TTC23: variants seen among roughly 807,000 people sequenced by gnomAD.
The protein encoded by TTC23 is tetratricopeptide repeat domain 23.
Under a neutral mutation model 55.1 loss-of-function variants are expected in TTC23, and 58 were observed. The ratio of observed to expected loss-of-function variants is 1.05; its 90% CI spans 0.85 to 1.31. The LOEUF is 1.31. Ranked by LOEUF, TTC23 falls within the 50% of genes most tolerant of loss-of-function variation. The pLI is 0.00. For synonymous variants in TTC23, 203 were observed against 199.9 expected, an observed-to-expected ratio of 1.02 and a Z score of -0.13; for missense variants, 516 against 534.4, an observed-to-expected ratio of 0.97 and a Z score of 0.34.
rs572891687 is a variant in TTC23 at position 99,166,592 on chromosome 15, G to A, written c.866-4725C>T. On this transcript the variant is annotated intron_variant, in intron 10 of 13. Transcript: ENST00000394132. ...ACATGAAGGCAACGCGGCTATCAAA[G>A]TGACAGAAGGCCAGGCGTTGTGGTG... Among the ~76,000 whole-genome samples, 280 of 152,366 alleles carry A rather than the reference G, an allele frequency of 1.8e-3. 4 individuals carry two copies. Among genetic ancestry groups the A allele is most frequent in the East Asian group, 5.8e-4 (3 of 5,188 alleles).
At chr15:99,172,380 G>A (rs890621165) in intron 10 of TTC23, among the ~76,000 whole-genome samples, 1 of 152,112 alleles carries the variant, frequency 6.6e-6, no homozygotes, top group Non-Finnish European at 1.5e-5. Flanking sequence ...GAGATTCTCC[G>A]CATGCTCCTG....
At chr15:99,163,181 T>TA (rs1329127638) in intron 10 of TTC23, among the ~76,000 whole-genome samples, 3 of 152,186 alleles carry the variant, frequency 2.0e-5, no homozygotes, top group Non-Finnish European at 4.4e-5. Context: ...AGGAGCCCTT[T>TA]AAAAGCAGAG....
intron 8 of TTC23, among the ~76,000 whole-genome samples, chr15:99,200,997 A>C (rs1451766533): frequency 2.0e-5 from 3 of 152,226 alleles, no homozygotes; most frequent in Non-Finnish European, 4.4e-5. Flanking sequence ...CATCTCAGGC[A>C]TGTGAAAACT....
intron 12 of TTC23, chr15:99,155,870 G>T: frequency 2.1e-6 from 1 of 476,444 alleles, no homozygotes. Flanking sequence ...AGAGAGCACC[G>T]CAAACATAAA....
intron 10 of TTC23, among the ~76,000 whole-genome samples, chr15:99,170,715 T>G (rs140913594): frequency 2.6e-3 from 394 of 152,352 alleles, no homozygotes; most frequent in Non-Finnish European, 2.6e-3. Flanking sequence ...GCAGTAGATT[T>G]CTTTCATTCC....
At chr15:99,149,386 G>A (rs2069401194) in intron 12 of TTC23, among the ~76,000 whole-genome samples, 2 of 152,220 alleles carry the variant, frequency 1.3e-5, no homozygotes, top group Admixed American at 6.5e-5. Context: ...TGGTAAACAA[G>A]GCCAAACCAA....
chr15:99,243,300 G>A (rs894813592), intron 2 of TTC23, among the ~76,000 whole-genome samples: 1 of 152,108 alleles, frequency 6.6e-6, no homozygotes, highest in Non-Finnish European at 1.5e-5. Context: ...CTACAATGAG[G>A]TCATCTCACC....
At chr15:99,200,875 G>A (rs979281030) in intron 8 of TTC23, among the ~76,000 whole-genome samples, 3 of 152,222 alleles carry the variant, frequency 2.0e-5, no homozygotes, top group Non-Finnish European at 4.4e-5. Flanking sequence ...CATCTATACT[G>A]TGGAATGCCA....
At chr15:99,169,768 G>GT (rs1263742554) in intron 10 of TTC23, among the ~76,000 whole-genome samples, 2 of 152,228 alleles carry the variant, frequency 1.3e-5, no homozygotes, top group Admixed American at 6.5e-5. Context: ...GCTAGGACCA[G>GT]TGGGGGCGGG....
At position 99,228,634 on chromosome 15, in the gene TTC23, T is replaced by C. The variant is rs140275587; in HGVS notation, c.79A>G (p.Lys27Glu). ...VAAVSITHRKKFQNKLLQTAL... is the reference protein window; with the variant it reads ...VAAVSITHRKEFQNKLLQTAL... ...GTCTGAAGCAGCTTGTTTTGGAACT[T>C]CTTTCTATGAGTGATGCTAACAGCA... is the stretch of plus-strand genomic sequence containing the variant. The change falls in exon 5 of 14, where the codon AAG becomes GAG. Residue 27 changes from lysine (K) to glutamate (E), a missense_variant. By Grantham distance (56) the Lys-to-Glu change is moderately conservative. Transcript: ENST00000394132. 314 of 1,613,848 alleles carry C rather than the reference T, an allele frequency of 1.9e-4. No homozygotes were observed. Among genetic ancestry groups the C allele is most frequent in the Non-Finnish European group, 2.5e-4 (293 of 1,179,898 alleles).
chr15:99,213,044 T>C (rs900446854), intron 8 of TTC23, among the ~76,000 whole-genome samples: 1 of 144,646 alleles, frequency 6.9e-6, no homozygotes, highest in African/African-American at 2.6e-5. Flanking sequence ...GCCTGAGAAA[T>C]TATCTTGGCC....
At chr15:99,248,826 A>G (rs2080484456) in intron 1 of TTC23, among the ~76,000 whole-genome samples, 1 of 152,184 alleles carries the variant, frequency 6.6e-6, no homozygotes, top group African/African-American at 2.4e-5. Flanking sequence ...GTCATTTTTG[A>G]AATATGATTG....
intron 10 of TTC23, among the ~76,000 whole-genome samples, chr15:99,162,181 C>T (rs75261490): frequency 0.042 from 6,378 of 152,182 alleles, 187 homozygotes; most frequent in Non-Finnish European, 0.062. Context: ...GTTGATCAAC[C>T]ACTAATTCTT....
chr15:99,185,132 G>A (rs559391067), intron 9 of TTC23, among the ~76,000 whole-genome samples: 1 of 152,198 alleles, frequency 6.6e-6, no homozygotes, highest in South Asian at 2.1e-4. Context: ...TTTCCTTACA[G>A]CAATGTGAGA....
intron 9 of TTC23, among the ~76,000 whole-genome samples, chr15:99,176,053 T>A (rs2073512083): frequency 6.6e-6 from 1 of 152,146 alleles, no homozygotes; most frequent in Non-Finnish European, 1.5e-5. Context: ...AAAATCACAA[T>A]AGTCCTTTCA....
chr15:99,201,253 T>TA (rs1204386114), intron 8 of TTC23, among the ~76,000 whole-genome samples: 3 of 152,190 alleles, frequency 2.0e-5, no homozygotes, highest in African/African-American at 7.2e-5. Context: ...ATCTCTCATA[T>TA]AAAAAATGTA....
chr15:99,156,265 T>C lies in TTC23; in HGVS notation c.1026A>G (p.Glu342=), dbSNP rs750820537. 1.9e-6 allele frequency: 3 copies of C among 1,614,258 alleles called. No individual in the cohort carries two copies. Among genetic ancestry groups the C allele is most frequent in the Non-Finnish European group, 2.5e-6 (3 of 1,180,034 alleles). Residue 342 remains glutamate (E), a synonymous_variant, in exon 12 of 14, where the codon GAA becomes GAG. Transcript: ENST00000394132. ...RATSILRESL[E]AKVEAFGDFS... ...AATCGCCAAATGCTTCCACTTTGGC[T>C]TCCAGGGACTCTCTCAGGATCGAGG...
chr15:99,170,068 A>G (rs2072703599), intron 10 of TTC23, among the ~76,000 whole-genome samples: 1 of 152,212 alleles, frequency 6.6e-6, no homozygotes, highest in Admixed American at 6.5e-5. Flanking sequence ...TGCCCTGAAC[A>G]CTTAGCAGGG....
chr15:99,228,764 A>G, intron 4 of TTC23, 32 bp from the exon 5 acceptor site: 1 of 1,449,750 alleles, frequency 6.9e-7, no homozygotes, highest in Non-Finnish European at 9.3e-7. Flanking sequence ...AAGATGTTAA[A>G]TGATAATTTC....
Sources: allele counts gnomAD v4.1 joint callset (sites outside exome capture counted in the v4.1 genomes callset), GRCh38; gene constraint gnomAD v4.1.1; transcripts MANE v1.5; gene names NCBI Gene and HGNC (gene_info 2026-07-23, HGNC 2026-07-21).